Variants in GPC6 observed in about 807,000 individuals in gnomAD.
The protein encoded by GPC6 is glypican-6.
GPC6 carries 14 observed loss-of-function variants against 55.2 expected under a neutral mutation model. The ratio of observed to expected loss-of-function variants is 0.25; its 90% CI spans 0.17 to 0.40. GPC6 has a LOEUF of 0.40. Ranked by LOEUF, GPC6 falls within the 10% of genes least tolerant of loss-of-function variation. The pLI is 1.00. For synonymous variants in GPC6, 278 were observed against 259.6 expected, an observed-to-expected ratio of 1.07 and a Z score of -0.68; for missense variants, 641 against 708.5, an observed-to-expected ratio of 0.90 and a Z score of 1.08.
intron 2 of GPC6, among the ~76,000 whole-genome samples, chr13:93,593,759 A>C (rs1217249588): frequency 6.6e-6 from 1 of 152,182 alleles, no homozygotes; most frequent in Non-Finnish European, 1.5e-5. Flanking sequence ...CATGTTAAAA[A>C]TATCAAAATA....
chr13:93,719,050 T>C (rs967479208), intron 2 of GPC6, among the ~76,000 whole-genome samples: 46 of 152,234 alleles, frequency 3.0e-4, no homozygotes, highest in African/African-American at 1.1e-3. Context: ...TGCTTAGGAC[T>C]GTTTTGGCTA....
At chr13:93,970,211 G>C (rs1880224123) in intron 3 of GPC6, among the ~76,000 whole-genome samples, 1 of 152,074 alleles carries the variant, frequency 6.6e-6, no homozygotes, top group African/African-American at 2.4e-5. Flanking sequence ...CTTACAGCAG[G>C]GCTATTTTGT....
chr13:94,106,560 A>G (rs1288616922), intron 4 of GPC6, among the ~76,000 whole-genome samples: 1 of 151,934 alleles, frequency 6.6e-6, no homozygotes, highest in Admixed American at 6.6e-5. Flanking sequence ...AGAGGGAGGG[A>G]AAGAGATTAA....
At chr13:94,157,301 TAG>T (rs986327206) in intron 4 of GPC6, among the ~76,000 whole-genome samples, 1 of 152,064 alleles carries the variant, frequency 6.6e-6, no homozygotes, top group African/African-American at 2.4e-5. Flanking sequence ...ATTTATTTTC[TAG>T]AGAGAGAGAG....
At chr13:93,274,371 C>G (rs1594066521) in intron 1 of GPC6, among the ~76,000 whole-genome samples, 1 of 151,982 alleles carries the variant, frequency 6.6e-6, no homozygotes, top group Admixed American at 6.6e-5. Context: ...ATTTATTGCC[C>G]CCTTAAGTGT....
chr13:93,976,018 T>C (rs528249896), intron 3 of GPC6, among the ~76,000 whole-genome samples: 1 of 152,194 alleles, frequency 6.6e-6, no homozygotes, highest in Non-Finnish European at 1.5e-5. Context: ...ATGGGAAGAA[T>C]AGAAATATTC....
At chr13:93,241,310 A>G (rs1258810958) in intron 1 of GPC6, among the ~76,000 whole-genome samples, 4 of 152,086 alleles carry the variant, frequency 2.6e-5, no homozygotes, top group Admixed American at 6.6e-5. Context: ...AGAATCCCAT[A>G]TTTGTTGGAG....
intron 2 of GPC6, among the ~76,000 whole-genome samples, chr13:93,658,595 C>T (rs1880788976): frequency 6.6e-6 from 1 of 151,070 alleles, no homozygotes; most frequent in Non-Finnish European, 1.5e-5. Context: ...TTATTTTTTA[C>T]CCTGTTAATG....
chr13:93,601,514 A>G (rs1878015578), intron 2 of GPC6, among the ~76,000 whole-genome samples: 1 of 152,244 alleles, frequency 6.6e-6, no homozygotes, highest in Non-Finnish European at 1.5e-5. Flanking sequence ...TTCTAATAAC[A>G]GGAAAAGCAT....
intron 4 of GPC6, among the ~76,000 whole-genome samples, chr13:94,233,593 A>G (rs1300449931): frequency 6.6e-6 from 1 of 152,110 alleles, no homozygotes; most frequent in Admixed American, 6.5e-5. Context: ...GACATGAATC[A>G]TCTCTTTGTC....
At chr13:93,798,885 C>CTCCA in intron 2 of GPC6, among the ~76,000 whole-genome samples, 1 of 142,928 alleles carries the variant, frequency 7.0e-6, no homozygotes, top group Non-Finnish European at 1.5e-5. Context: ...CACCACTGCA[C>CTCCA]TCCAGCCTGG....
intron 4 of GPC6, among the ~76,000 whole-genome samples, chr13:94,109,565 G>A (rs1886168475): frequency 6.6e-6 from 1 of 152,008 alleles, no homozygotes; most frequent in African/African-American, 2.4e-5. Flanking sequence ...AAAAACAAAC[G>A]TCTTAAGTAG....
chr13:93,545,548 T>G, intron 2 of GPC6, 127 bp downstream of exon 2: 1 of 812,792 alleles, frequency 1.2e-6, no homozygotes, highest in Non-Finnish European at 2.0e-6. Flanking sequence ...TATAGCATTG[T>G]CTATTTTTAG....
chr13:93,344,070 A>G (rs1240795849), intron 1 of GPC6, among the ~76,000 whole-genome samples: 1 of 152,214 alleles, frequency 6.6e-6, no homozygotes, highest in Non-Finnish European at 1.5e-5. Flanking sequence ...GCTATCATCT[A>G]AACATGAGCA....
Position 94,012,476 on chromosome 13 carries a change from G to C in GPC6, c.712-15253G>C, listed in dbSNP as rs1448672607. On this transcript the variant is annotated intron_variant, in intron 3 of 8. Coordinates refer to ENST00000377047, the MANE Select transcript of GPC6 (RefSeq NM_005708.5). ...TAGATAGCATTAATGCAACCTGGCAGGAAGCCATCATTGTGCATAGAGTGG... is the reference window on the plus strand; with the variant it reads ...TAGATAGCATTAATGCAACCTGGCACGAAGCCATCATTGTGCATAGAGTGG... 4.6e-5 allele frequency among the ~76,000 whole-genome samples: 7 copies of C among 152,162 alleles called. No individual in the cohort carries two copies. In the East Asian group the frequency reaches 1.2e-3, roughly 25 times the overall value.
chr13:93,777,792 A>G (rs1242966347), intron 2 of GPC6, among the ~76,000 whole-genome samples: 1 of 152,188 alleles, frequency 6.6e-6, no homozygotes, highest in Non-Finnish European at 1.5e-5. Flanking sequence ...ATATCTATAC[A>G]TTATGTCTAC....
chr13:93,263,466 G>A (rs983910365), intron 1 of GPC6, among the ~76,000 whole-genome samples: 1 of 152,142 alleles, frequency 6.6e-6, no homozygotes. Flanking sequence ...GTGGGTTCAA[G>A]TGATTCTCCT....
chr13:94,311,290 TC>T (rs1305894721), intron 6 of GPC6, among the ~76,000 whole-genome samples: 1 of 151,976 alleles, frequency 6.6e-6, no homozygotes, highest in Non-Finnish European at 1.5e-5. Flanking sequence ...TGCCTTGGCC[TC>T]CCGAGTAGCT....
intron 1 of GPC6, among the ~76,000 whole-genome samples, chr13:93,519,344 TACAC>T (rs977007874): frequency 2.6e-5 from 4 of 152,002 alleles, no homozygotes; most frequent in African/African-American, 4.8e-5. Context: ...GTGTTTCTGT[TACAC>T]ACACATACAC....
Sources: gnomAD v4.1 joint callset for allele counts (sites outside exome capture counted in the v4.1 genomes callset) on GRCh38, gnomAD v4.1.1 for gene constraint, MANE v1.5 for transcripts, NCBI Gene and HGNC (gene_info 2026-07-23, HGNC 2026-07-21) for gene names.